The following CUX1 variants were observed in gnomAD, a reference collection of about 807,000 sequenced individuals.
CUX1 encodes the protein protein CASP.
A neutral mutation model predicts 158.8 loss-of-function variants in CUX1; 31 were observed. That is an observed-to-expected ratio of 0.20 (90% CI 0.15 to 0.26). CUX1 has a LOEUF of 0.26. Ranked by LOEUF, CUX1 falls within the 10% of genes least tolerant of loss-of-function variation. The pLI, the probability that CUX1 is intolerant of heterozygous loss-of-function variation, is 1.00. For missense variants in CUX1, 1,589 were observed against 2,014.6 expected, an observed-to-expected ratio of 0.79 and a Z score of 4.04; for synonymous variants, 879 against 862.1, an observed-to-expected ratio of 1.02 and a Z score of -0.34.
intron 20 of CUX1, among the ~76,000 whole-genome samples, chr7:102,216,991 CTGTT>C (rs531914723): frequency 4.3e-4 from 65 of 152,296 alleles, no homozygotes; most frequent in East Asian, 3.3e-3. Flanking sequence ...TATATTTAGA[CTGTT>C]TGTATGACAT....
Position 102,239,562 on chromosome 7 carries a change from A to G in CUX1, c.3865A>G (p.Ile1289Val), listed in dbSNP as rs1554534139. Residue 1289 changes from isoleucine to valine, a missense_variant, in exon 23 of 24, where the codon ATC becomes GTC. Ile to Val is a conservative substitution (Grantham distance 29). This residue lies in a region of CUX1 where 5 missense variants were observed against 32.6 expected (regional missense o/e 0.15). Coordinates refer to ENST00000292535, the MANE Select transcript of CUX1 (RefSeq NM_181552.4). ...GCTCAACCTGAAAACCAGCACCGTC[A>G]TCAACTGGTTCCACAACTACAGGTA... is the stretch of plus-strand genomic sequence containing the variant. ...TQLNLKTSTVINWFHNYRSRI... is the reference protein window; with the variant it reads ...TQLNLKTSTVVNWFHNYRSRI... 1.9e-6 allele frequency: 3 copies of G among 1,613,702 alleles called. No individual in the cohort carries two copies. The highest frequency in any genetic ancestry group is 2.2e-5 in the East Asian group (1 of 44,854).
At position 102,115,290 on chromosome 7, in the gene CUX1, G is replaced by C. The variant is rs1554491471; in HGVS notation, c.674+17G>C. Reference sequence around the variant, plus strand: ...TACTGCAAAGTAAGTCTCTCTGCTTGGCCTCCCTTATCCGTACACATTTCT... The same window carrying C: ...TACTGCAAAGTAAGTCTCTCTGCTTCGCCTCCCTTATCCGTACACATTTCT... On this transcript the variant is annotated intron_variant, in intron 8 of 23. Transcript: ENST00000292535. 1.2e-6 allele frequency: 2 copies of C among 1,606,132 alleles called. No homozygotes were observed. The highest frequency in any genetic ancestry group is 1.7e-6 in the Non-Finnish European group (2 of 1,177,742).
intron 8 of CUX1, among the ~76,000 whole-genome samples, chr7:102,121,777 C>T (rs1202064118): frequency 2.6e-5 from 4 of 152,120 alleles, no homozygotes; most frequent in Non-Finnish European, 4.4e-5. Flanking sequence ...CCCAGGAACA[C>T]GCAGATTCAG....
intron 14 of CUX1, among the ~76,000 whole-genome samples, chr7:102,272,337 G>A (rs977315751): frequency 2.0e-5 from 3 of 152,166 alleles, no homozygotes; most frequent in African/African-American, 4.8e-5. Flanking sequence ...GGAGGAGGCC[G>A]CACATACCAT....
At chr7:102,126,177 CTGTGTGTGTGTG>C (rs3988138) in intron 8 of CUX1, among the ~76,000 whole-genome samples, 5 of 135,542 alleles carry the variant, frequency 3.7e-5, no homozygotes, top group South Asian at 2.6e-4. Context: ...CCATTTCCGG[CTGTGTGTGTGTG>C]TGTGTGTGTG....
At chr7:101,831,890 C>T (rs572731207) in intron 1 of CUX1, among the ~76,000 whole-genome samples, 23 of 151,084 alleles carry the variant, frequency 1.5e-4, no homozygotes, top group African/African-American at 5.4e-4. Flanking sequence ...TACAGGCATG[C>T]GCCACCATGC....
intron 4 of CUX1, among the ~76,000 whole-genome samples, chr7:102,082,640 G>C (rs1227287689): frequency 3.4e-5 from 5 of 147,392 alleles, no homozygotes; most frequent in African/African-American, 1.2e-4. Flanking sequence ...GTTCCCTTCT[G>C]ATCCCAGTAC....
chr7:101,889,571 G>A (rs1056783349), intron 1 of CUX1, among the ~76,000 whole-genome samples: 11 of 152,180 alleles, frequency 7.2e-5, no homozygotes, highest in African/African-American at 2.7e-4. Context: ...AGGGGTTTGA[G>A]ACCAGCCTGG....
At chr7:102,239,616 C>G in intron 23 of CUX1, 32 bp downstream of exon 23, 1 of 1,596,582 alleles carries the variant, frequency 6.3e-7, no homozygotes, top group Non-Finnish European at 8.6e-7. Context: ...GAGCGCCGGT[C>G]GGCCCAGGGG....
intron 11 of CUX1, among the ~76,000 whole-genome samples, chr7:102,182,654 T>C (rs557738980): frequency 3.0e-4 from 46 of 152,340 alleles, no homozygotes; most frequent in African/African-American, 1.1e-3. Context: ...TGCTTAAGCA[T>C]AGTGCCACTT....
chr7:102,225,645 C>G (rs576886847), intron 20 of CUX1, among the ~76,000 whole-genome samples: 1 of 152,188 alleles, frequency 6.6e-6, no homozygotes, highest in Non-Finnish European at 1.5e-5. Context: ...GGGAGGATCA[C>G]TTGAGGCCAG....
intron 23 of CUX1, among the ~76,000 whole-genome samples, chr7:102,244,866 A>G (rs1049230932): frequency 2.6e-5 from 4 of 152,160 alleles, no homozygotes; most frequent in African/African-American, 4.8e-5. Context: ...TGACTTCCCT[A>G]AAAACCACAA....
chr7:102,258,213 A>G lies in CUX1; in HGVS notation c.*9171A>G. 1 of 979,908 alleles carries G rather than the reference A, an allele frequency of 1.0e-6. No individual in the cohort carries two copies. Among genetic ancestry groups the G allele is most frequent in the Non-Finnish European group, 1.2e-6 (1 of 824,874 alleles). 60.7% of individuals were successfully genotyped at this position (979,908 alleles called of 1,614,324 possible). A position where few individuals can be genotyped will look rare whatever the true frequency, so the allele number is the denominator to read the frequency against. On this transcript the variant is annotated 3_prime_UTR_variant, in exon 24 of 24. Coordinates refer to ENST00000292535, the MANE Select transcript of CUX1 (RefSeq NM_181552.4). Reference sequence around the variant, plus strand: ...ACCCTAGGTGTGATAATTGAAGTAAATATCTTTTATACAAACACAAGAATG... The same window carrying G: ...ACCCTAGGTGTGATAATTGAAGTAAGTATCTTTTATACAAACACAAGAATG...
intron 1 of CUX1, among the ~76,000 whole-genome samples, chr7:101,830,266 G>A (rs889651723): frequency 6.6e-6 from 1 of 152,210 alleles, no homozygotes; most frequent in Non-Finnish European, 1.5e-5. Context: ...CACCACGCAG[G>A]CTTCTGTTCT....
rs181123911 is a variant in CUX1, at chr7:102,279,972, G to A, written c.1681-65G>A. 4.9e-4 allele frequency: 525 copies of A among 1,066,012 alleles called. 7 individuals are homozygous for A. In the East Asian group the frequency reaches 0.011, roughly 22 times the overall value. 66.0% of individuals were successfully genotyped at this position (1,066,012 alleles called of 1,614,324 possible). A position where few individuals can be genotyped will look rare whatever the true frequency, so the allele number is the denominator to read the frequency against. Reference sequence around the variant, plus strand: ...GATGAGGAAACTGAGGCTCCCCTGGGCTCCTGCCCTTCCCGCTGGGCCCCA... The same window carrying A: ...GATGAGGAAACTGAGGCTCCCCTGGACTCCTGCCCTTCCCGCTGGGCCCCA... On this transcript the variant is annotated intron_variant, in intron 18 of 22. Transcript: ENST00000292538.
At chr7:102,159,632 G>T (rs988694831) in intron 9 of CUX1, among the ~76,000 whole-genome samples, 1 of 152,190 alleles carries the variant, frequency 6.6e-6, no homozygotes, top group Non-Finnish European at 1.5e-5. Flanking sequence ...GGGCCAAGGT[G>T]GGAGGATCAC....
Position 102,038,681 on chromosome 7 carries a change from G to A in CUX1, c.189+10536G>A, listed in dbSNP as rs550261453. Among the ~76,000 whole-genome samples, 116 of 152,250 alleles carry A rather than the reference G, an allele frequency of 7.6e-4. 2 individuals carry two copies. Among genetic ancestry groups the A allele is most frequent in the Non-Finnish European group, 1.4e-3 (96 of 68,024 alleles). ...CTAAAGAAACAAGCATGGCGGGTGC[G>A]GTGGCTCATGCCTGTCATCCTAGTA... On this transcript the variant is annotated intron_variant, in intron 3 of 23. Coordinates refer to ENST00000292535, the MANE Select transcript of CUX1 (RefSeq NM_181552.4).
At chr7:101,956,050 C>T (rs113270912) in intron 2 of CUX1, among the ~76,000 whole-genome samples, 3 of 146,824 alleles carry the variant, frequency 2.0e-5, no homozygotes, top group South Asian at 2.2e-4. Context: ...GGTGAGGTGG[C>T]ACATGCCTGT....
intron 14 of CUX1, among the ~76,000 whole-genome samples, chr7:102,195,907 T>C (rs1410865207): frequency 2.6e-5 from 4 of 152,174 alleles, no homozygotes; most frequent in Admixed American, 6.5e-5. Context: ...CTTTCTGATC[T>C]GTGTCTGGTT....
Sources: allele counts gnomAD v4.1 joint callset (sites outside exome capture counted in the v4.1 genomes callset), GRCh38; gene constraint gnomAD v4.1.1; regional missense constraint gnomAD v4.1.1; transcripts MANE v1.5; gene names NCBI Gene and HGNC (gene_info 2026-07-23, HGNC 2026-07-21).